The following SERPINB11 variants were observed in gnomAD, a reference collection of about 807,000 sequenced individuals.
SERPINB11 encodes the protein serpin B11.
Under a neutral mutation model 36.7 loss-of-function variants are expected in SERPINB11, and 32 were observed. That is an observed-to-expected ratio of 0.87 (90% CI 0.66 to 1.17). The LOEUF (loss-of-function observed/expected upper bound fraction) is 1.17. SERPINB11 is among the 50% of genes most tolerant of loss of function. The pLI is 0.00. For missense variants in SERPINB11, 528 were observed against 458.4 expected, an observed-to-expected ratio of 1.15 and a Z score of -1.39; for synonymous variants, 174 against 168.1, an observed-to-expected ratio of 1.04 and a Z score of -0.27.
At chr18:63,711,525 T>A in intron 3 of SERPINB11, 131 bp downstream of exon 3, 1 of 665,102 alleles carries the variant, frequency 1.5e-6, no homozygotes, top group Non-Finnish European at 2.7e-6. Context: ...CCCTTTAACC[T>A]TCCTGATGAT....
chr18:63,721,153 C>T (rs1299561826), intron 7 of SERPINB11, among the ~76,000 whole-genome samples, 167 bp downstream of exon 7: 1 of 152,172 alleles, frequency 6.6e-6, no homozygotes, highest in Admixed American at 6.5e-5. Context: ...GACACATGGC[C>T]TCTGCCTTTC....
intron 4 of SERPINB11, among the ~76,000 whole-genome samples, chr18:63,713,220 T>C (rs1461632799): frequency 7.9e-5 from 12 of 152,214 alleles, no homozygotes; most frequent in Admixed American, 7.9e-4. Flanking sequence ...TGTAGTTTTA[T>C]TGAGTATTTA....
In SERPINB11 at chr18:63,722,907, T is replaced by G; in HGVS notation, c.775-88T>G. 7.4e-6 allele frequency: 10 copies of G among 1,344,510 alleles called. 1 individual carries two copies. The South Asian group carries it at 1.6e-4, about 22-fold the overall frequency. The allele number at this position is 1,344,510 out of a possible 1,614,324, so 83.3% of individuals were successfully genotyped here. ...AGAAAAAGTGATGAAGTTGAACCAC[T>G]CACACTGAGAATTATAAAAACATAT... On this transcript the variant is annotated intron_variant, in intron 7 of 7. Transcript: ENST00000544088.
intron 1 of SERPINB11, among the ~76,000 whole-genome samples, chr18:63,703,307 A>G (rs1914287654): frequency 6.6e-6 from 1 of 152,210 alleles, no homozygotes; most frequent in South Asian, 2.1e-4. Context: ...TCAAAACACA[A>G]GCTAGTCATG....
intron 4 of SERPINB11, 127 bp downstream of exon 4, chr18:63,712,820 TAC>T: frequency 9.4e-7 from 1 of 1,062,154 alleles, no homozygotes; most frequent in Non-Finnish European, 1.4e-6. Context: ...TGTGCTAACT[TAC>T]AGTTTCAGTG....
Position 63,720,038 on chromosome 18 carries a change from G to C in SERPINB11, c.501G>C (p.Lys167Asn), listed in dbSNP as rs758497477. Residue 167 changes from lysine to asparagine, a missense_variant, in exon 6 of 8, where the codon AAG (lysine) becomes AAC (asparagine). Coordinates refer to ENST00000544088, the MANE Select transcript of SERPINB11 (RefSeq NM_001370475.1). ...TNGKVANLFGKSTIDPSSVMV... is the reference protein window; with the variant it reads ...TNGKVANLFGNSTIDPSSVMV... Reference sequence around the variant, plus strand: ...GAAAAGTCGCAAATCTCTTTGGAAAGAGCACAATTGACCCTTCATCTGTAA... The same window carrying C: ...GAAAAGTCGCAAATCTCTTTGGAAACAGCACAATTGACCCTTCATCTGTAA... The C allele has an allele frequency of 5.0e-6, 8 of 1,605,730 alleles. No individual in the cohort carries two copies. The highest frequency in any genetic ancestry group is 2.7e-5 in the African/African-American group (2 of 74,368).
rs528573102 is a variant in SERPINB11, at chr18:63,711,768, A to G, written c.228+374A>G. ...GCATATAATTATGTACTGGGAAAAC[A>G]TGGCCTAATATTGCCCAATCCACAT... On this transcript the variant is annotated intron_variant, in intron 3 of 7. Transcript: ENST00000544088. Among the ~76,000 whole-genome samples the G allele has an allele frequency of 1.1e-3, 169 of 152,260 alleles. 1 individual carries two copies. Among genetic ancestry groups the G allele is most frequent in the African/African-American group, 3.8e-3 (160 of 41,560 alleles).
chr18:63,707,848 A>G (rs115645798), intron 1 of SERPINB11, among the ~76,000 whole-genome samples: 12 of 152,336 alleles, frequency 7.9e-5, no homozygotes, highest in African/African-American at 2.9e-4. Flanking sequence ...TGTACTATAC[A>G]GGGAAGGGAA....
intron 1 of SERPINB11, among the ~76,000 whole-genome samples, chr18:63,706,267 G>C (rs1914370168): frequency 6.6e-6 from 1 of 152,160 alleles, no homozygotes; most frequent in Non-Finnish European, 1.5e-5. Flanking sequence ...GTCCACAAGT[G>C]ACATATATTC....
intron 7 of SERPINB11, among the ~76,000 whole-genome samples, chr18:63,722,172 G>A (rs1228555309): frequency 6.6e-6 from 1 of 152,184 alleles, no homozygotes; most frequent in Non-Finnish European, 1.5e-5. Flanking sequence ...TTGGATGTGG[G>A]CAGAAAATGA....
chr18:63,720,910 T>A lies in SERPINB11; in HGVS notation c.698T>A (p.Val233Asp), dbSNP rs1325397959. Residue 233 changes from valine (V) to aspartate (D), a missense_variant, in exon 7 of 8, where the codon GTT becomes GAT. Coordinates refer to ENST00000544088, the MANE Select transcript of SERPINB11 (RefSeq NM_001370475.1). ...TTTGTAAAGGAGCCGCAGATGCAAG[T>A]TCTTGAGCTGCCCTACGTTAACAAC... ...LAFVKEPQMQ[V>D]LELPYVNNKL... The A allele has an allele frequency of 6.2e-7, 1 of 1,604,142 alleles. No individual in the cohort carries two copies. Among genetic ancestry groups the A allele is most frequent in the Non-Finnish European group, 8.5e-7 (1 of 1,175,182 alleles).
intron 7 of SERPINB11, among the ~76,000 whole-genome samples, chr18:63,721,622 G>A (rs1227587191): frequency 6.6e-6 from 1 of 152,212 alleles, no homozygotes; most frequent in Non-Finnish European, 1.5e-5. Context: ...GCCAGGGAGT[G>A]CTGGCTTGAG....
chr18:63,714,559 C>A (rs923011093), intron 4 of SERPINB11, among the ~76,000 whole-genome samples: 3 of 152,036 alleles, frequency 2.0e-5, no homozygotes, highest in Admixed American at 6.6e-5. Context: ...GAGACCTCCC[C>A]CTAGGAACGC....
chr18:63,704,371 T>A (rs1239693380), intron 1 of SERPINB11, among the ~76,000 whole-genome samples: 1 of 152,174 alleles, frequency 6.6e-6, no homozygotes, highest in African/African-American at 2.4e-5. Context: ...AAATATATGG[T>A]TAACATAGAA....
At chr18:63,708,586 A>G (rs972425309) in intron 1 of SERPINB11, among the ~76,000 whole-genome samples, 1 of 152,218 alleles carries the variant, frequency 6.6e-6, no homozygotes, top group Admixed American at 6.5e-5. Flanking sequence ...AGAGGTAAAG[A>G]AGGCTGTGAG....
intron 5 of SERPINB11, among the ~76,000 whole-genome samples, chr18:63,718,758 A>G (rs1448440190): frequency 6.6e-6 from 1 of 152,056 alleles, no homozygotes; most frequent in African/African-American, 2.4e-5. Flanking sequence ...TTTTTGATTG[A>G]GGAACTGACA....
At position 63,723,021 on chromosome 18, in the gene SERPINB11, G is replaced by A. The variant is rs749602410; in HGVS notation, c.801G>A (p.Thr267=). ...TAGAAAAGCAGCTGAATTCGGGGAC[G>A]TTTCATGAGTGGACAAGCTCTTCTA... The part of the protein sequence containing the change: ...KQIEKQLNSG[T]FHEWTSSSNM... Residue 267 remains threonine, a synonymous_variant, in exon 8 of 8, where the codon ACG becomes ACA. Transcript: ENST00000544088. The A allele has an allele frequency of 9.5e-6, 15 of 1,583,572 alleles. No homozygotes were observed. Among genetic ancestry groups the A allele is most frequent in the Admixed American group, 7.3e-5 (4 of 54,548 alleles).
rs138944039 is a variant in SERPINB11, at chr18:63,712,733, G to A, written c.357+40G>A. Reference sequence around the variant, plus strand: ...AAGAGTGATCAACAACTTTCTTGGCGTCCTCTGAATTTCATACCCCAAAAT... The same window carrying A: ...AAGAGTGATCAACAACTTTCTTGGCATCCTCTGAATTTCATACCCCAAAAT... On this transcript the variant is annotated intron_variant, in intron 4 of 7. Coordinates refer to ENST00000544088, the MANE Select transcript of SERPINB11 (RefSeq NM_001370475.1). 235 of 1,596,344 alleles carry A rather than the reference G, an allele frequency of 1.5e-4. 2 individuals carry two copies. The Admixed American group carries it at 2.3e-3, about 16-fold the overall frequency.
At chr18:63,720,576 C>G (rs1914784042) in intron 6 of SERPINB11, 1 of 403,790 alleles carries the variant, frequency 2.5e-6, no homozygotes, top group Non-Finnish European at 4.3e-6. Context: ...AGCTAAAAAT[C>G]CTGACTTTGT....
Sources: gnomAD v4.1 joint callset for allele counts (sites outside exome capture counted in the v4.1 genomes callset) on GRCh38, gnomAD v4.1.1 for gene constraint, MANE v1.5 for transcripts, NCBI Gene and HGNC (gene_info 2026-07-23, HGNC 2026-07-21) for gene names.